The following WDR89 variants were observed in gnomAD, a reference collection of about 807,000 sequenced individuals.
WDR89 encodes WD repeat-containing protein 89.
A neutral mutation model predicts 29.1 loss-of-function variants in WDR89; 17 were observed. That is an observed-to-expected ratio of 0.58 (90% CI 0.40 to 0.88). The LOEUF is 0.88. WDR89 is among the 40% of genes least tolerant of loss of function. The pLI is 0.00. For synonymous variants in WDR89, 138 were observed against 157.8 expected, an observed-to-expected ratio of 0.87 and a Z score of 0.94; for missense variants, 396 against 456.3, an observed-to-expected ratio of 0.87 and a Z score of 1.20.
intron 2 of WDR89, among the ~76,000 whole-genome samples, chr14:63,602,999 G>A (rs1895147576): frequency 2.6e-5 from 4 of 151,814 alleles, no homozygotes; most frequent in South Asian, 4.2e-4. Context: ...CTCGTGATCC[G>A]CCTGCCTCGG....
chr14:63,627,992 T>C (rs914684677), intron 1 of WDR89, among the ~76,000 whole-genome samples: 2 of 152,096 alleles, frequency 1.3e-5, no homozygotes, highest in Non-Finnish European at 2.9e-5. Flanking sequence ...GCCCAGCACC[T>C]TGGGAGGCTG....
chr14:63,608,983 C>T (rs1313798403), intron 2 of WDR89, among the ~76,000 whole-genome samples: 1 of 151,936 alleles, frequency 6.6e-6, no homozygotes, highest in Non-Finnish European at 1.5e-5. Flanking sequence ...CTTGTAGTCC[C>T]AGCTACTCAG....
chr14:63,631,039 A>G (rs1235551498), intron 1 of WDR89, among the ~76,000 whole-genome samples: 2 of 152,186 alleles, frequency 1.3e-5, no homozygotes, highest in Non-Finnish European at 2.9e-5. Context: ...TGCTGGGATT[A>G]TAGGTGGGAA....
chr14:63,600,951 G>C (rs750231988), intron 2 of WDR89, among the ~76,000 whole-genome samples: 3 of 152,112 alleles, frequency 2.0e-5, no homozygotes, highest in African/African-American at 2.4e-5. Flanking sequence ...AAAAGTGGAA[G>C]AGGGAGGCAG....
chr14:63,606,863 G>C (rs1188896392), intron 2 of WDR89, among the ~76,000 whole-genome samples: 1 of 152,184 alleles, frequency 6.6e-6, no homozygotes, highest in East Asian at 1.9e-4. Flanking sequence ...TGCTCTCATA[G>C]CTACTAAGTG....
intron 2 of WDR89, among the ~76,000 whole-genome samples, chr14:63,615,160 C>A (rs1882227446): frequency 6.6e-6 from 1 of 152,162 alleles, no homozygotes; most frequent in Non-Finnish European, 1.5e-5. Flanking sequence ...TCCTCAATAA[C>A]ATCCTGAGAT....
intron 2 of WDR89, among the ~76,000 whole-genome samples, chr14:63,609,056 G>A (rs1023736582): frequency 2.0e-5 from 3 of 151,780 alleles, no homozygotes; most frequent in African/African-American, 7.3e-5. Flanking sequence ...AGGCTGCAGT[G>A]AGCCGAGATG....
At chr14:63,620,389 A>G (rs893911189) in intron 2 of WDR89, among the ~76,000 whole-genome samples, 3 of 152,216 alleles carry the variant, frequency 2.0e-5, no homozygotes, top group African/African-American at 7.2e-5. Context: ...ACAAACGTAC[A>G]TATCTATATG....
intron 1 of WDR89, among the ~76,000 whole-genome samples, chr14:63,634,821 G>T (rs111827193): frequency 0.014 from 2,008 of 147,248 alleles, 52 homozygotes; most frequent in African/African-American, 0.048. Flanking sequence ...GGTGAGCCAA[G>T]ATCGCACCAT....
chr14:63,637,235 T>C (rs576017607), intron 1 of WDR89, among the ~76,000 whole-genome samples: 1 of 152,258 alleles, frequency 6.6e-6, no homozygotes, highest in East Asian at 1.9e-4. Context: ...CCTGCAAGAA[T>C]GGCCATAAGT....
Position 63,599,505 on chromosome 14 carries a change from C to A in WDR89, c.438G>T (p.Trp146Cys). 1 of 1,614,044 alleles carries A rather than the reference C, an allele frequency of 6.2e-7. No homozygotes were observed. Among genetic ancestry groups the A allele is most frequent in the Non-Finnish European group, 8.5e-7 (1 of 1,180,020 alleles). ...AATTCTGAGAATTCATCCTTGCATC[C>A]CAAAACACCAACAATGCATCATCAT... ...KVDDDALLVF[W>C]DARMNSQNLS... Residue 146 changes from tryptophan to cysteine, a missense_variant, in exon 3 of 3, where the codon TGG becomes TGT. Physicochemically the swap from Trp to Cys is radical, Grantham distance 215. Coordinates refer to ENST00000620954, the MANE Select transcript of WDR89 (RefSeq NM_080666.4).
intron 1 of WDR89, among the ~76,000 whole-genome samples, chr14:63,631,017 T>C (rs1170356882): frequency 6.6e-6 from 1 of 152,138 alleles, no homozygotes; most frequent in Non-Finnish European, 1.5e-5. Flanking sequence ...CCTCTGGCCT[T>C]AGCCTCCCAA....
chr14:63,599,944 T>C lies in WDR89; in HGVS notation c.-2A>G, dbSNP rs757978580. On this transcript the variant is annotated 5_prime_UTR_variant, in exon 3 of 3. Coordinates refer to ENST00000620954, the MANE Select transcript of WDR89 (RefSeq NM_080666.4). The stretch of plus-strand genomic sequence containing the variant: ...AAATTGTTCCTCAATCTTTTCCATG[T>C]CAACAGCAGCATCCAAGGGTAGTAA... 6.3e-7 allele frequency: 1 copy of C among 1,585,322 alleles called. No homozygotes were observed. Among genetic ancestry groups the C allele is most frequent in the South Asian group, 1.2e-5 (1 of 86,596 alleles).
At chr14:63,619,824 G>A (rs1882567104) in intron 2 of WDR89, among the ~76,000 whole-genome samples, 1 of 151,996 alleles carries the variant, frequency 6.6e-6, no homozygotes. Flanking sequence ...GGCCAACATA[G>A]TGAAACCCCA....
chr14:63,603,839 G>C (rs938469628), intron 2 of WDR89, among the ~76,000 whole-genome samples: 1 of 152,324 alleles, frequency 6.6e-6, no homozygotes, highest in Non-Finnish European at 1.5e-5. Flanking sequence ...CGCTGGGGTA[G>C]TCACCTCCAC....
chr14:63,615,038 GA>G (rs948029684), intron 2 of WDR89, among the ~76,000 whole-genome samples: 1 of 152,170 alleles, frequency 6.6e-6, no homozygotes, highest in African/African-American at 2.4e-5. Context: ...TGTTACTAAG[GA>G]AAAGGGGGAG....
At position 63,612,371 on chromosome 14, in the gene WDR89, G is replaced by A. The variant is rs141348381; in HGVS notation, c.-31-12398C>T. On this transcript the variant is annotated intron_variant, in intron 2 of 2. Coordinates refer to ENST00000620954, the MANE Select transcript of WDR89 (RefSeq NM_080666.4). ...AGACGGAATCTCCTCTGTCGCCCGG[G>A]CTAGAGTGTAGTGGTGGGATCTCTG... is the stretch of plus-strand genomic sequence containing the variant. 4.1e-3 allele frequency among the ~76,000 whole-genome samples: 614 copies of A among 151,440 alleles called. 4 individuals carry two copies. The highest frequency in any genetic ancestry group is 0.014 in the African/African-American group (568 of 41,238).
At position 63,627,150 on chromosome 14, in the gene WDR89, ACTCTCTCTCTCTCT is replaced by A. The variant is rs35230660; in HGVS notation, c.-137-2131_-137-2118del. On this transcript the variant is annotated intron_variant, in intron 1 of 2. Coordinates refer to ENST00000620954, the MANE Select transcript of WDR89 (RefSeq NM_080666.4). ...CACACACACACACACACACACACAC[ACTCTCTCTCTCTCT>A]CTCTCTCTCTCTCTCTCTCCTCTCT... Among the ~76,000 whole-genome samples the A allele has an allele frequency of 5.3e-3, 674 of 127,266 alleles. 2 individuals are homozygous for A. Among genetic ancestry groups the A allele is most frequent in the Middle Eastern group, 0.02 (5 of 256 alleles). The allele number at this position is 127,266 out of a possible 152,430, so 83.5% of individuals were successfully genotyped here. A position where few individuals can be genotyped will look rare whatever the true frequency, so the allele number is the denominator to read the frequency against.
intron 2 of WDR89, among the ~76,000 whole-genome samples, chr14:63,610,446 C>T (rs1881890241): frequency 6.6e-6 from 1 of 151,908 alleles, no homozygotes; most frequent in Admixed American, 6.6e-5. Flanking sequence ...TTACCCGCAT[C>T]CAAAGAATAG....
Sources: allele counts gnomAD v4.1 joint callset (sites outside exome capture counted in the v4.1 genomes callset), GRCh38; gene constraint gnomAD v4.1.1; transcripts MANE v1.5; gene names NCBI Gene and HGNC (gene_info 2026-07-23, HGNC 2026-07-21).